Variants in FRMD4B observed in about 807,000 individuals in gnomAD.
The protein encoded by FRMD4B is FERM domain-containing protein 4B.
FRMD4B carries 74 observed loss-of-function variants against 141.5 expected under a neutral mutation model. The observed-to-expected ratio is 0.52, with a 90% CI of 0.43 to 0.63. The LOEUF (loss-of-function observed/expected upper bound fraction) is 0.63, where lower values mean the gene tolerates loss of function less well. Ranked by LOEUF, FRMD4B falls within the 30% of genes least tolerant of loss-of-function variation. FRMD4B has a pLI of 0.00. For synonymous variants in FRMD4B, 506 were observed against 467.9 expected, an observed-to-expected ratio of 1.08 and a Z score of -1.05; for missense variants, 1,366 against 1,253.4, an observed-to-expected ratio of 1.09 and a Z score of -1.36.
chr3:69,236,848 C>A (rs930374467), intron 7 of FRMD4B, among the ~76,000 whole-genome samples: 3 of 152,184 alleles, frequency 2.0e-5, no homozygotes, highest in African/African-American at 7.2e-5. Context: ...AAGCAGAAAG[C>A]TAGAGCTCAA....
At chr3:69,285,077 C>T (rs1700627066) in intron 5 of FRMD4B, among the ~76,000 whole-genome samples, 2 of 152,076 alleles carry the variant, frequency 1.3e-5, no homozygotes, top group African/African-American at 2.4e-5. Context: ...GCAGGAGAAT[C>T]ACTTCAATCC....
chr3:69,181,531 T>A lies in FRMD4B; in HGVS notation c.2219A>T (p.Tyr740Phe). Residue 740 changes from tyrosine to phenylalanine, a missense_variant, in exon 21 of 23, where the codon TAT becomes TTT. Coordinates refer to ENST00000398540, the MANE Select transcript of FRMD4B (RefSeq NM_015123.3). ...GCCGGTAACTGGTGTCACACAGTAA[T>A]ACTCTGTGCTTGATTGGCTTGTATA... The part of the protein sequence containing the change: ...SSYTSQSSTE[Y>F]YCVTPVTGPY... 6.2e-7 allele frequency: 1 copy of A among 1,613,960 alleles called. No homozygotes were observed.
intron 5 of FRMD4B, among the ~76,000 whole-genome samples, chr3:69,262,648 G>C (rs1363270522): frequency 1.3e-5 from 2 of 150,106 alleles, no homozygotes; most frequent in Non-Finnish European, 3.0e-5. Context: ...TAGTAGAGCT[G>C]GGGTGTCTCC....
chr3:69,384,803 A>G (rs1704208826), intron 1 of FRMD4B, among the ~76,000 whole-genome samples: 1 of 152,178 alleles, frequency 6.6e-6, no homozygotes, highest in Admixed American at 6.5e-5. Flanking sequence ...GATTGATGGA[A>G]GATTATGGTT....
rs1422118945 is a variant in FRMD4B at position 69,169,034 on chromosome 3, T to A, written c.*2827A>T. Among the ~76,000 whole-genome samples the A allele has an allele frequency of 6.6e-6, 1 of 152,060 alleles. No individual in the cohort carries two copies. Among genetic ancestry groups the A allele is most frequent in the African/African-American group, 2.4e-5 (1 of 41,406 alleles). On this transcript the variant is annotated 3_prime_UTR_variant, in exon 23 of 23. Coordinates refer to ENST00000398540, the MANE Select transcript of FRMD4B (RefSeq NM_015123.3). ...AAATGTTGTAAAACTGTACTTGTAA[T>A]ATGCTGGACTTTAAAAAAATTACTA...
chr3:69,488,167 A>C (rs765671149), intron 1 of FRMD4B, among the ~76,000 whole-genome samples: 1 of 152,202 alleles, frequency 6.6e-6, no homozygotes. Flanking sequence ...GCCTTGTAAG[A>C]GTGGTTAAAA....
At chr3:69,284,490 T>C (rs1575691525) in intron 5 of FRMD4B, among the ~76,000 whole-genome samples, 1 of 152,110 alleles carries the variant, frequency 6.6e-6, no homozygotes, top group South Asian at 2.1e-4. Context: ...AGCTATAGAA[T>C]GTGCACTGCT....
At chr3:69,469,118 C>CT (rs1207324730) in intron 1 of FRMD4B, among the ~76,000 whole-genome samples, 3 of 152,184 alleles carry the variant, frequency 2.0e-5, no homozygotes, top group African/African-American at 7.2e-5. Flanking sequence ...ACACATCTCA[C>CT]TTAGTGACAT....
At position 69,174,092 on chromosome 3, in the gene FRMD4B, G is replaced by A. The variant is rs146941343; in HGVS notation, c.2985-2111C>T. 2.1e-3 allele frequency among the ~76,000 whole-genome samples: 315 copies of A among 151,626 alleles called. 1 individual carries two copies. The highest frequency in any genetic ancestry group is 6.9e-3 in the African/African-American group (283 of 41,302). On this transcript the variant is annotated intron_variant, in intron 22 of 22. Transcript: ENST00000398540. ...GCAGAGGTTGCAGTGAGCCGAGATC[G>A]TGTCACTGCACTCCAACTTGGGCAA...
At position 69,385,842 on chromosome 3, in the gene FRMD4B, G is replaced by A. The variant is rs1410898587; in HGVS notation, c.148C>T (p.Gln50Ter). 6.3e-7 allele frequency: 1 copy of A among 1,588,340 alleles called. No homozygotes were observed. Among genetic ancestry groups the A allele is most frequent in the Non-Finnish European group, 8.6e-7 (1 of 1,167,716 alleles). Residue 50 changes from glutamine to a stop codon, truncating the protein, a stop_gained, in exon 1 of 23, where the codon CAG (glutamine) becomes TAG (stop). Transcript: ENST00000398540. LOFTEE classifies it high-confidence loss of function. ...HQVLRTWCGL[Q>*]DVYQMTEGRH... is the part of the protein sequence containing the mutation. Reference sequence around the variant, plus strand: ...CTCCAGCTCACCTGGTACACGTCCTGCAGCCCGCACCACGTCCGCAGCACC... The same window carrying A: ...CTCCAGCTCACCTGGTACACGTCCTACAGCCCGCACCACGTCCGCAGCACC...
chr3:69,492,788 G>C (rs9822921), intron 1 of FRMD4B, among the ~76,000 whole-genome samples: 32,427 of 152,156 alleles, frequency 0.21, 3,651 homozygotes, highest in Middle Eastern at 0.3. Context: ...AGCATGTCTG[G>C]AATGTCTTGT....
intron 11 of FRMD4B, among the ~76,000 whole-genome samples, chr3:69,213,550 A>G (rs917103405): frequency 6.6e-6 from 1 of 152,252 alleles, no homozygotes; most frequent in South Asian, 2.1e-4. Flanking sequence ...TATTCCTTAA[A>G]TTGATCTTGG....
At chr3:69,378,201 C>T (rs1428239371) in intron 1 of FRMD4B, among the ~76,000 whole-genome samples, 2 of 152,094 alleles carry the variant, frequency 1.3e-5, no homozygotes, top group African/African-American at 4.8e-5. Flanking sequence ...ATTTCAGAGT[C>T]TGCTACCTAA....
At chr3:69,241,603 A>C (rs903299238) in intron 7 of FRMD4B, among the ~76,000 whole-genome samples, 1 of 152,208 alleles carries the variant, frequency 6.6e-6, no homozygotes, top group African/African-American at 2.4e-5. Flanking sequence ...TGGGATACAA[A>C]AAAAGAAACT....
intron 3 of FRMD4B, among the ~76,000 whole-genome samples, chr3:69,309,941 C>A (rs1391538415): frequency 6.6e-6 from 1 of 152,092 alleles, no homozygotes; most frequent in Non-Finnish European, 1.5e-5. Flanking sequence ...TATGTGTGTG[C>A]GTGTTCAATC....
chr3:69,264,910 G>A (rs1261535797), intron 5 of FRMD4B, among the ~76,000 whole-genome samples: 1 of 152,132 alleles, frequency 6.6e-6, no homozygotes, highest in Non-Finnish European at 1.5e-5. Context: ...CGGAGACAGA[G>A]AAAGTTTGTC....
Position 69,410,189 on chromosome 3 carries a change from C to T in FRMD4B, c.-1+22445G>A, listed in dbSNP as rs571530365. On this transcript the variant is annotated intron_variant, in intron 2 of 5. Transcript: ENST00000459638. The stretch of plus-strand genomic sequence containing the variant: ...TTTCGTTGGTACCTTCCTCTCTGAG[C>T]CCATCTCTTGCTCCTGACTATTCCT... Among the ~76,000 whole-genome samples the T allele has an allele frequency of 2.6e-5, 4 of 152,304 alleles. No individual in the cohort carries two copies. In the South Asian group the frequency reaches 8.3e-4, roughly 32 times the overall value.
intron 11 of FRMD4B, among the ~76,000 whole-genome samples, chr3:69,204,692 C>T (rs898196682): frequency 1.3e-5 from 2 of 152,204 alleles, no homozygotes; most frequent in South Asian, 4.1e-4. Context: ...GAGACAAAGT[C>T]TCTGCCCTCA....
At chr3:69,276,748 T>C (rs192171500) in intron 5 of FRMD4B, among the ~76,000 whole-genome samples, 20 of 152,276 alleles carry the variant, frequency 1.3e-4, no homozygotes, top group Admixed American at 3.9e-4. Flanking sequence ...GCAGATCACC[T>C]GAGGTCAGGA....
Sources: allele counts gnomAD v4.1 joint callset (sites outside exome capture counted in the v4.1 genomes callset), GRCh38; gene constraint gnomAD v4.1.1; transcripts MANE v1.5; gene names NCBI Gene and HGNC (gene_info 2026-07-23, HGNC 2026-07-21).